The following CHST11 variants were observed in gnomAD, a reference collection of about 807,000 sequenced individuals.
CHST11 encodes C4S-1.
In CHST11, 9 loss-of-function variants were observed where a neutral mutation model predicts 30.4. The observed-to-expected ratio is 0.30, with a 90% CI of 0.18 to 0.52. CHST11 has a LOEUF of 0.52. Among genes scored for constraint, CHST11 ranks in the 20% least tolerant of loss-of-function variants. The pLI is 0.97. For missense variants in CHST11, 348 were observed against 460.6 expected, an observed-to-expected ratio of 0.76 and a Z score of 2.24; for synonymous variants, 152 against 187.8, an observed-to-expected ratio of 0.81 and a Z score of 1.56.
intron 2 of CHST11, among the ~76,000 whole-genome samples, chr12:104,713,884 G>A (rs1047698515): frequency 2.0e-5 from 3 of 152,272 alleles, no homozygotes; most frequent in East Asian, 1.9e-4. Context: ...AGAGAGATAC[G>A]TTCGTTGCAT....
intron 2 of CHST11, among the ~76,000 whole-genome samples, chr12:104,614,764 C>T (rs1541794): frequency 0.26 from 39,761 of 151,152 alleles, 5,457 homozygotes; most frequent in East Asian, 0.42. Context: ...GGGTGGCACA[C>T]GGAAGAACAA....
intron 2 of CHST11, among the ~76,000 whole-genome samples, chr12:104,721,100 G>A (rs1166779901): frequency 6.6e-6 from 1 of 152,202 alleles, no homozygotes; most frequent in African/African-American, 2.4e-5. Context: ...CCACCCTGTG[G>A]TGCTGAAACC....
intron 1 of CHST11, among the ~76,000 whole-genome samples, chr12:104,596,901 C>T (rs1271705041): frequency 6.6e-6 from 1 of 152,288 alleles, no homozygotes; most frequent in South Asian, 2.1e-4. Flanking sequence ...TTGGCCTATA[C>T]TCGAATCCCT....
chr12:104,512,102 G>C (rs2037971357), intron 1 of CHST11, among the ~76,000 whole-genome samples: 1 of 151,926 alleles, frequency 6.6e-6, no homozygotes, highest in Non-Finnish European at 1.5e-5. Flanking sequence ...TCAGTCTGTG[G>C]TTGATTTAAT....
At chr12:104,544,952 G>T (rs1034004224) in intron 1 of CHST11, among the ~76,000 whole-genome samples, 1 of 152,160 alleles carries the variant, frequency 6.6e-6, no homozygotes, top group Middle Eastern at 3.4e-3. Context: ...TGAAAAATGG[G>T]TGGGTTTATT....
intron 1 of CHST11, among the ~76,000 whole-genome samples, chr12:104,578,060 G>A (rs938382120): frequency 1.3e-5 from 2 of 152,200 alleles, no homozygotes; most frequent in Non-Finnish European, 2.9e-5. Flanking sequence ...GAACTTCACA[G>A]CGGTAGAAGG....
chr12:104,619,369 T>A (rs2039138475), intron 2 of CHST11, among the ~76,000 whole-genome samples: 1 of 152,212 alleles, frequency 6.6e-6, no homozygotes, highest in South Asian at 2.1e-4. Context: ...ACTTTTTTTT[T>A]AATTTTCCGG....
chr12:104,699,740 CT>C (rs1182847690), intron 2 of CHST11, among the ~76,000 whole-genome samples: 1 of 152,186 alleles, frequency 6.6e-6, no homozygotes, highest in Non-Finnish European at 1.5e-5. Context: ...AACTGGAGCC[CT>C]TTTGTTCACC....
chr12:104,742,793 T>C (rs1336263363), intron 2 of CHST11, among the ~76,000 whole-genome samples: 1 of 152,176 alleles, frequency 6.6e-6, no homozygotes, highest in Admixed American at 6.5e-5. Context: ...CCAGCGTGAT[T>C]TGATTCCCCT....
chr12:104,636,316 A>T (rs1164766), intron 2 of CHST11, among the ~76,000 whole-genome samples: 109,409 of 152,168 alleles, frequency 0.72, 39,721 homozygotes, highest in African/African-American at 0.82. Context: ...TGGGACACAC[A>T]GTGCTTTACA....
intron 2 of CHST11, among the ~76,000 whole-genome samples, chr12:104,752,667 AC>A (rs1169107554): frequency 6.6e-6 from 1 of 152,172 alleles, no homozygotes; most frequent in African/African-American, 2.4e-5. Flanking sequence ...AGCTGGGATC[AC>A]AGGCACCCGC....
intron 2 of CHST11, among the ~76,000 whole-genome samples, chr12:104,677,759 G>T (rs899773522): frequency 6.6e-6 from 1 of 152,238 alleles, no homozygotes; most frequent in Non-Finnish European, 1.5e-5. Context: ...GCCAAGACGG[G>T]CGGTTAGAGA....
At chr12:104,570,998 C>G (rs1484820045) in intron 1 of CHST11, among the ~76,000 whole-genome samples, 1 of 151,784 alleles carries the variant, frequency 6.6e-6, no homozygotes, top group Admixed American at 6.6e-5. Flanking sequence ...GCGCACTGTG[C>G]TTTTCCTGAA....
At chr12:104,511,790 TC>T (rs947182050) in intron 1 of CHST11, among the ~76,000 whole-genome samples, 3 of 152,208 alleles carry the variant, frequency 2.0e-5, no homozygotes, top group Non-Finnish European at 4.4e-5. Context: ...TAGCTGAGGT[TC>T]CTTGGCTACT....
intron 1 of CHST11, among the ~76,000 whole-genome samples, chr12:104,471,271 G>C (rs2037506710): frequency 6.6e-6 from 1 of 152,204 alleles, no homozygotes; most frequent in African/African-American, 2.4e-5. Flanking sequence ...ATCTCCAATA[G>C]AGCCTGGTAC....
chr12:104,559,723 A>G (rs1407634004), intron 1 of CHST11, among the ~76,000 whole-genome samples: 1 of 152,216 alleles, frequency 6.6e-6, no homozygotes, highest in Non-Finnish European at 1.5e-5. Context: ...AGCCTGGGCA[A>G]CAAGAGTGGA....
intron 2 of CHST11, among the ~76,000 whole-genome samples, chr12:104,681,825 C>CTTTTTTTTTTTTTTTTTTTTTTTTT (rs149441295): frequency 1.2e-5 from 1 of 85,086 alleles, no homozygotes; most frequent in Admixed American, 1.6e-4. Context: ...GTCTGTTTTG[C>CTTTTTTTTTTTTTTTTTTTTTTTTT]TTTTTTTTTT....
intron 2 of CHST11, among the ~76,000 whole-genome samples, chr12:104,647,877 A>G (rs895989062): frequency 4.6e-5 from 7 of 152,170 alleles, no homozygotes; most frequent in Non-Finnish European, 1.0e-4. Context: ...TCACATGGTT[A>G]TCAAGTTCGT....
At chr12:104,630,503 C>T (rs1444475114) in intron 2 of CHST11, among the ~76,000 whole-genome samples, 1 of 152,192 alleles carries the variant, frequency 6.6e-6, no homozygotes, top group Non-Finnish European at 1.5e-5. Flanking sequence ...ATGCAGTCCA[C>T]CAACTGGCTG....
Sources: allele counts gnomAD v4.1 joint callset (sites outside exome capture counted in the v4.1 genomes callset), GRCh38; gene constraint gnomAD v4.1.1; transcripts MANE v1.5; gene names NCBI Gene and HGNC (gene_info 2026-07-23, HGNC 2026-07-21).